The following ABCC5 variants were observed in gnomAD, a reference collection of about 807,000 sequenced individuals.
ABCC5 encodes ATP-binding cassette sub-family C member 5.
In ABCC5, 61 loss-of-function variants were observed where a neutral mutation model predicts 160.9. That is an observed-to-expected ratio of 0.38 (90% CI 0.31 to 0.47). The LOEUF is 0.47. Among genes scored for constraint, ABCC5 ranks in the 20% least tolerant of loss-of-function variants. The pLI, the probability that ABCC5 is intolerant of heterozygous loss-of-function variation, is 0.99. For synonymous variants in ABCC5, 666 were observed against 700.6 expected, an observed-to-expected ratio of 0.95 and a Z score of 0.78; for missense variants, 1,308 against 1,813.3, an observed-to-expected ratio of 0.72 and a Z score of 5.06.
chr3:184,007,084 G>C (rs986957195), intron 2 of ABCC5, among the ~76,000 whole-genome samples: 1 of 141,444 alleles, frequency 7.1e-6, no homozygotes, highest in African/African-American at 2.7e-5. Flanking sequence ...GCAGTGGTGC[G>C]ATCTCGGCTC....
chr3:183,972,052 G>C, intron 10 of ABCC5, 133 bp from the exon 11 acceptor site: 2 of 1,543,754 alleles, frequency 1.3e-6, no homozygotes, highest in South Asian at 1.2e-5. Context: ...GCAAAAGGTA[G>C]CTCATTAGTG....
intron 2 of ABCC5, chr3:184,001,215 C>CGTG: frequency 1.9e-6 from 1 of 527,246 alleles, no homozygotes; most frequent in Non-Finnish European, 3.4e-6. Context: ...GTCATGCCAC[C>CGTG]GCACTACAGT....
At chr3:183,975,450 T>A (rs988935296) in intron 10 of ABCC5, among the ~76,000 whole-genome samples, 3 of 152,004 alleles carry the variant, frequency 2.0e-5, no homozygotes, top group Admixed American at 6.6e-5. Flanking sequence ...CAAGCGATTC[T>A]CCTGCCTCAG....
intron 14 of ABCC5, 45 bp downstream of exon 14, chr3:183,965,140 T>G (rs1717097661): frequency 4.4e-6 from 7 of 1,598,774 alleles, no homozygotes; most frequent in Non-Finnish European, 6.0e-6. Context: ...CTGGCCCAGC[T>G]CTGCCACTCT....
At chr3:183,935,409 T>C (rs1713604479) in intron 26 of ABCC5, among the ~76,000 whole-genome samples, 1 of 151,108 alleles carries the variant, frequency 6.6e-6, no homozygotes, top group African/African-American at 2.4e-5. Flanking sequence ...CTGGTACTCC[T>C]GACCTCGTGA....
Position 183,953,232 on chromosome 3 carries a change from C to T in ABCC5, c.2521G>A (p.Val841Met), listed in dbSNP as rs1290842352. The T allele has an allele frequency of 6.2e-7, 1 of 1,613,586 alleles. No homozygotes were observed. Among genetic ancestry groups the T allele is most frequent in the Admixed American group, 1.7e-5 (1 of 59,956 alleles). ...VQLEEKGQGSVPWSVYGVYIQ... is the reference protein window; with the variant it reads ...VQLEEKGQGSMPWSVYGVYIQ... ...TAGACACCATATACTGACCAGGGCACTGAACCCTGCCCTTTCTCTTCCAGC... is the reference window on the plus strand; with the variant it reads ...TAGACACCATATACTGACCAGGGCATTGAACCCTGCCCTTTCTCTTCCAGC... The change falls in exon 18 of 30, where the codon GTG (valine) becomes ATG (methionine). Residue 841 changes from valine to methionine, a missense_variant. Val to Met is a conservative substitution (Grantham distance 21). This residue lies in a region of ABCC5 where 1,142 missense variants were observed against 1,527.1 expected (regional missense o/e 0.75). Coordinates refer to ENST00000334444, the MANE Select transcript of ABCC5 (RefSeq NM_005688.4).
intron 2 of ABCC5, 148 bp from the exon 3 acceptor site, chr3:183,989,531 T>C: frequency 1.4e-6 from 1 of 727,104 alleles, no homozygotes. Context: ...ACACTAACTT[T>C]GTATGATTTG....
chr3:183,940,472 A>AG (rs1283979586), intron 25 of ABCC5, among the ~76,000 whole-genome samples: 4 of 150,276 alleles, frequency 2.7e-5, no homozygotes, highest in Non-Finnish European at 5.9e-5. Context: ...GAAAAAAAAA[A>AG]AAAAAAAAAA....
Position 183,921,217 on chromosome 3 carries a change from G to A in ABCC5, c.*83C>T, listed in dbSNP as rs1711933318. On this transcript the variant is annotated 3_prime_UTR_variant, in exon 30 of 30. Coordinates refer to ENST00000334444, the MANE Select transcript of ABCC5 (RefSeq NM_005688.4). This position sits in a 1 kb window ranked among gnomAD's most constrained non-coding sequence, Gnocchi z 4.1. Reference sequence around the variant, plus strand: ...ATAAAATCGAGAAAGGCAAGGTTTCGGTAGGAGGACGCGATGAGGGGCCCG... The same window carrying A: ...ATAAAATCGAGAAAGGCAAGGTTTCAGTAGGAGGACGCGATGAGGGGCCCG... The A allele has an allele frequency of 1.4e-5, 10 of 706,238 alleles. No individual in the cohort carries two copies. The highest frequency in any genetic ancestry group is 3.6e-5 in the African/African-American group (2 of 54,920). 43.7% of individuals were successfully genotyped at this position (706,238 alleles called of 1,614,324 possible). A position where few individuals can be genotyped will look rare whatever the true frequency, so the allele number is the denominator to read the frequency against.
intron 11 of ABCC5, 146 bp from the exon 12 acceptor site, chr3:183,967,912 C>G: frequency 1.5e-6 from 1 of 673,696 alleles, no homozygotes; most frequent in Non-Finnish European, 2.6e-6. Flanking sequence ...TGTTTTCTCA[C>G]TCATTAGCTG....
At chr3:183,989,183 G>C (rs1304392693) in intron 3 of ABCC5, 43 bp downstream of exon 3, 1 of 1,061,448 alleles carries the variant, frequency 9.4e-7, no homozygotes. Context: ...AAAAAAAAAA[G>C]GCCTTTGATG....
chr3:183,962,517 T>A (rs1024724703), intron 15 of ABCC5, among the ~76,000 whole-genome samples: 5 of 150,504 alleles, frequency 3.3e-5, no homozygotes, highest in African/African-American at 1.2e-4. Context: ...AAGGAGCAGT[T>A]CCTCCAGTTT....
Position 183,971,639 on chromosome 3 carries a change from T to G in ABCC5, c.1685A>C (p.Glu562Ala), listed in dbSNP as rs746703793. The change falls in exon 11 of 30, where the codon GAA becomes GCA. Residue 562 changes from glutamate to alanine, a missense_variant. Physicochemically the swap from Glu to Ala is moderately radical, Grantham distance 107. Around this residue, in one of 3 missense-constraint regions of ABCC5, gnomAD observed 1,142 missense variants for 1,527.1 expected, o/e 0.75. Transcript: ENST00000334444. ...DSDERPSPEE[E>A]EGKHIHLGHL... Reference sequence around the variant, plus strand: ...GCCCAGGTGGATGTGCTTGCCTTCTTCCTCTTCGGGACTGGGCCGCTCGTC... The same window carrying G: ...GCCCAGGTGGATGTGCTTGCCTTCTGCCTCTTCGGGACTGGGCCGCTCGTC... The G allele has an allele frequency of 2.5e-6, 4 of 1,614,126 alleles. No homozygotes were observed. The highest frequency in any genetic ancestry group is 3.4e-6 in the Non-Finnish European group (4 of 1,180,020).
rs757059597 is a variant in ABCC5 at position 183,987,812 on chromosome 3, G to A, written c.549C>T (p.Ile183=). The change falls in exon 5 of 30, where the codon ATC becomes ATT. Residue 183 remains isoleucine, a synonymous_variant. Transcript: ENST00000334444. This position sits in a 1 kb window ranked among gnomAD's most constrained non-coding sequence, Gnocchi z 4.2. The part of the protein sequence containing the change: ...IFCRTRLILS[I]VCLMITQLAG... ...CCAGCTGCGTGATCATCAGGCACAC[G>A]ATGGACAGGATGAGCCTGGTGCGGC... The A allele has an allele frequency of 6.2e-6, 10 of 1,614,188 alleles. No individual in the cohort carries two copies. Among genetic ancestry groups the A allele is most frequent in the East Asian group, 2.2e-5 (1 of 44,880 alleles).
Position 183,988,510 on chromosome 3 carries a change from C to T in ABCC5, c.443+62G>A, listed in dbSNP as rs780832763. The T allele has an allele frequency of 1.1e-4, 170 of 1,555,730 alleles. No individual in the cohort carries two copies. Among genetic ancestry groups the T allele is most frequent in the Non-Finnish European group, 1.0e-4 (119 of 1,156,160 alleles). ...AAGACACAGAGCTGTGGACTTCACA[C>T]TCCTAGCTCAGGCCCTGCCCACCCG... On this transcript the variant is annotated intron_variant, in intron 4 of 29. Transcript: ENST00000334444. This position sits in a 1 kb window ranked among gnomAD's most constrained non-coding sequence, Gnocchi z 4.4.
rs141362009 is a variant in ABCC5, at chr3:183,939,525, T to C, written c.3695-1465A>G. Among the ~76,000 whole-genome samples the C allele has an allele frequency of 7.0e-4, 106 of 152,356 alleles. No individual in the cohort carries two copies. The East Asian group carries it at 0.018, about 26-fold the overall frequency. Reference sequence around the variant, plus strand: ...AAATTTTAGTGGTTGCATTCCATCATGTGCATGTATTCTTGTTCAGCCAGC... The same window carrying C: ...AAATTTTAGTGGTTGCATTCCATCACGTGCATGTATTCTTGTTCAGCCAGC... On this transcript the variant is annotated intron_variant, in intron 25 of 29. Transcript: ENST00000334444.
intron 29 of ABCC5, among the ~76,000 whole-genome samples, chr3:183,922,065 AT>A (rs2108751491): frequency 1.1e-5 from 1 of 91,978 alleles, no homozygotes; most frequent in Non-Finnish European, 2.7e-5. Context: ...AAATAAATAA[AT>A]AAATAAATAA....
At chr3:183,939,865 G>A (rs766521839) in intron 25 of ABCC5, among the ~76,000 whole-genome samples, 3 of 151,810 alleles carry the variant, frequency 2.0e-5, no homozygotes, top group African/African-American at 7.3e-5. Flanking sequence ...TACCTTTCTC[G>A]TGCCACCATG....
chr3:183,972,079 C>T (rs1447621203), intron 10 of ABCC5, 160 bp from the exon 11 acceptor site: 3 of 1,477,866 alleles, frequency 2.0e-6, no homozygotes, highest in Non-Finnish European at 2.7e-6. Context: ...AATCTCAGGC[C>T]CATCAAGGGG....
Sources: allele counts gnomAD v4.1 joint callset (sites outside exome capture counted in the v4.1 genomes callset), GRCh38; gene constraint gnomAD v4.1.1; regional missense constraint gnomAD v4.1.1; non-coding constraint Gnocchi (gnomAD v3.1); transcripts MANE v1.5; gene names NCBI Gene and HGNC (gene_info 2026-07-23, HGNC 2026-07-21).